The following ENTPD7 variants were observed in gnomAD, a reference collection of about 807,000 sequenced individuals.
ENTPD7 encodes the protein ectonucleoside triphosphate diphosphohydrolase 7.
In ENTPD7, 53 loss-of-function variants were observed where a neutral mutation model predicts 77.9. The observed-to-expected ratio is 0.68, with a 90% CI of 0.55 to 0.85. The LOEUF is 0.85. Ranked by LOEUF, ENTPD7 falls within the 40% of genes least tolerant of loss-of-function variation. The pLI is 0.00. For missense variants in ENTPD7, 636 were observed against 743.7 expected (o/e 0.86, Z 1.68); for synonymous variants, 248 against 274.9 (o/e 0.90, Z 0.97).
Position 99,710,138 on chromosome 10 carries a change from C to T in ENTPD7, c.*5455C>T, listed in dbSNP as rs1179610602. The T allele has an allele frequency of 5.1e-6, 5 of 985,278 alleles. No individual in the cohort carries two copies. The highest frequency in any genetic ancestry group is 6.1e-5 in the Admixed American group (1 of 16,262). The allele number at this position is 985,278 out of a possible 1,614,324, so 61.0% of individuals were successfully genotyped here. On this transcript the variant is annotated 3_prime_UTR_variant, in exon 13 of 13. Coordinates refer to ENST00000370489, the MANE Select transcript of ENTPD7 (RefSeq NM_020354.5). The stretch of plus-strand genomic sequence containing the variant: ...ACTTGTATACCCTCTGGTGGCCACT[C>T]CTCCTTCTCCACTCCAAGGCAGCCC...
At chr10:99,688,189 T>C (rs1265295441) in intron 6 of ENTPD7, among the ~76,000 whole-genome samples, 2 of 152,326 alleles carry the variant, frequency 1.3e-5, no homozygotes, top group East Asian at 3.9e-4. Flanking sequence ...TGTTTCAAGC[T>C]GCTCTTAAGT....
In ENTPD7 at chr10:99,708,351, T is replaced by G. The variant is rs2036291692; in HGVS notation, c.*3668T>G. Among the ~76,000 whole-genome samples, 1 of 152,168 alleles carries G rather than the reference T, an allele frequency of 6.6e-6. No individual in the cohort carries two copies. Among genetic ancestry groups the G allele is most frequent in the South Asian group, 2.1e-4 (1 of 4,822 alleles). On this transcript the variant is annotated 3_prime_UTR_variant, in exon 13 of 13. Transcript: ENST00000370489. ...TCATCTAAACAGATGCTTCTCACAGTTTTATGTTTTGTTTTTTGTCAGGGA... is the reference window on the plus strand; with the variant it reads ...TCATCTAAACAGATGCTTCTCACAGGTTTATGTTTTGTTTTTTGTCAGGGA...
intron 3 of ENTPD7, among the ~76,000 whole-genome samples, chr10:99,665,625 G>C (rs2035539464): frequency 6.6e-6 from 1 of 151,916 alleles, no homozygotes; most frequent in South Asian, 2.1e-4. Flanking sequence ...TTCTCAAGAA[G>C]CTTATGTTTT....
In ENTPD7 at chr10:99,710,247, A is replaced by G. The variant is rs2036339044; in HGVS notation, c.*5564A>G. 2 of 985,314 alleles carry G rather than the reference A, an allele frequency of 2.0e-6. No individual in the cohort carries two copies. The highest frequency in any genetic ancestry group is 2.4e-6 in the Non-Finnish European group (2 of 829,948). 61.0% of individuals were successfully genotyped at this position (985,314 alleles called of 1,614,324 possible). A position where few individuals can be genotyped will look rare whatever the true frequency, so the allele number is the denominator to read the frequency against. ...GGTGAAGACGCCCCTTACTAGCTTC[A>G]TAAATGTTTTTCTGCAAGCAGGGAT... On this transcript the variant is annotated 3_prime_UTR_variant, in exon 13 of 13. Coordinates refer to ENST00000370489, the MANE Select transcript of ENTPD7 (RefSeq NM_020354.5).
chr10:99,709,716 C>A lies in ENTPD7; in HGVS notation c.*5033C>A. 1.0e-6 allele frequency: 1 copy of A among 985,384 alleles called. No homozygotes were observed. Among genetic ancestry groups the A allele is most frequent in the Non-Finnish European group, 1.2e-6 (1 of 829,914 alleles). 61.0% of individuals were successfully genotyped at this position (985,384 alleles called of 1,614,324 possible). A position where few individuals can be genotyped will look rare whatever the true frequency, so the allele number is the denominator to read the frequency against. On this transcript the variant is annotated 3_prime_UTR_variant, in exon 13 of 13. Transcript: ENST00000370489. ...TGTTTCTGCAGATGGCTTGTTCAAGCTTCATTTTAAGCCTGCTCTGTCTAC... is the reference window on the plus strand; with the variant it reads ...TGTTTCTGCAGATGGCTTGTTCAAGATTCATTTTAAGCCTGCTCTGTCTAC...
intron 5 of ENTPD7, among the ~76,000 whole-genome samples, chr10:99,682,765 A>C (rs760318553): frequency 2.0e-5 from 3 of 152,218 alleles, no homozygotes; most frequent in African/African-American, 4.8e-5. Flanking sequence ...CCCTGGGAAG[A>C]ATATAGATGA....
Position 99,709,203 on chromosome 10 carries a change from G to A in ENTPD7, c.*4520G>A, listed in dbSNP as rs763822568. The A allele has an allele frequency of 2.3e-5, 23 of 985,334 alleles. No individual in the cohort carries two copies. The highest frequency in any genetic ancestry group is 1.2e-4 in the Admixed American group (2 of 16,270). 61.0% of individuals were successfully genotyped at this position (985,334 alleles called of 1,614,324 possible). Reference sequence around the variant, plus strand: ...TACATCTACCTCATTAAAGAACTTCGTTGTAATTCTTGGGCAGTTTCCAGA... The same window carrying A: ...TACATCTACCTCATTAAAGAACTTCATTGTAATTCTTGGGCAGTTTCCAGA... On this transcript the variant is annotated 3_prime_UTR_variant, in exon 13 of 13. Transcript: ENST00000370489.
At position 99,659,862 on chromosome 10, in the gene ENTPD7, G is replaced by A. The variant is rs896704620; in HGVS notation, c.-95G>A. On this transcript the variant is annotated splice_region_variant and 5_prime_UTR_variant, in exon 2 of 13. Coordinates refer to ENST00000370489, the MANE Select transcript of ENTPD7 (RefSeq NM_020354.5). The surrounding 1 kb of genome is among the most constrained non-coding windows in gnomAD (Gnocchi z 4.1). ...GAAGCCTGAAATCAAATCTTTCTAG[G>A]CTGCAGACGTAGGAGATGCCTGGGA... The A allele has an allele frequency of 7.7e-6, 12 of 1,566,644 alleles. No individual in the cohort carries two copies. The African/African-American group carries it at 1.6e-4, about 21-fold the overall frequency.
rs779932293 is a variant in ENTPD7 at position 99,700,880 on chromosome 10, A to G, written c.1336-93A>G. Reference sequence around the variant, plus strand: ...TTCCTTTGTCAGCTGGTAGCCCACAAGTAACTTTAGAAATGGAACAGCTGT... The same window carrying G: ...TTCCTTTGTCAGCTGGTAGCCCACAGGTAACTTTAGAAATGGAACAGCTGT... On this transcript the variant is annotated intron_variant, in intron 10 of 12. Coordinates refer to ENST00000370489, the MANE Select transcript of ENTPD7 (RefSeq NM_020354.5). The G allele has an allele frequency of 4.9e-6, 5 of 1,016,752 alleles. No individual in the cohort carries two copies. The African/African-American group carries it at 6.4e-5, about 13-fold the overall frequency. 63.0% of individuals were successfully genotyped at this position (1,016,752 alleles called of 1,614,324 possible).
At chr10:99,687,027 C>T (rs1425387667) in intron 6 of ENTPD7, among the ~76,000 whole-genome samples, 4 of 150,804 alleles carry the variant, frequency 2.7e-5, no homozygotes, top group Non-Finnish European at 2.9e-5. Context: ...AAGCGATTCT[C>T]CTGCCTCAGC....
chr10:99,669,685 C>A (rs1412668491), intron 3 of ENTPD7, among the ~76,000 whole-genome samples: 1 of 150,270 alleles, frequency 6.7e-6, no homozygotes, highest in Non-Finnish European at 1.5e-5. Context: ...ATCCCCTGAC[C>A]CTACACATGC....
chr10:99,702,611 T>C lies in ENTPD7; in HGVS notation c.1521T>C (p.Tyr507=), dbSNP rs2036162264. 2 of 1,613,882 alleles carry C rather than the reference T, an allele frequency of 1.2e-6. No homozygotes were observed. The highest frequency in any genetic ancestry group is 1.7e-6 in the Non-Finnish European group (2 of 1,179,920). The change falls in exon 12 of 13, where the codon TAT becomes TAC. Residue 507 remains tyrosine (Y), a synonymous_variant. Coordinates refer to ENST00000370489, the MANE Select transcript of ENTPD7 (RefSeq NM_020354.5). ...YPNLRTAQLV[Y]DREVQWTLGA... ...ACCTGCGGACAGCCCAGCTGGTGTA[T>C]GACCGAGAGGTTCAGTGGACGCTGG... is the stretch of plus-strand genomic sequence containing the variant.
chr10:99,710,769 C>A lies in ENTPD7; in HGVS notation c.*6086C>A, dbSNP rs930307430. 3.0e-6 allele frequency: 3 copies of A among 983,818 alleles called. No homozygotes were observed. Among genetic ancestry groups the A allele is most frequent in the Non-Finnish European group, 3.6e-6 (3 of 829,340 alleles). The allele number at this position is 983,818 out of a possible 1,614,324, so 60.9% of individuals were successfully genotyped here. On this transcript the variant is annotated 3_prime_UTR_variant, in exon 13 of 13. Coordinates refer to ENST00000370489, the MANE Select transcript of ENTPD7 (RefSeq NM_020354.5). ...TCATGATTATCAGTGTTGATCTCTG[C>A]AACCAACATTGCTTTAGGGAGTTGC...
intron 2 of ENTPD7, chr10:99,660,384 TATA>T (rs1029964224): frequency 1.8e-5 from 21 of 1,163,496 alleles, no homozygotes; most frequent in African/African-American, 3.2e-5. Flanking sequence ...ATCCATACAT[TATA>T]ATAACCTGAA....
In ENTPD7 at chr10:99,710,712, G is replaced by A. The variant is rs2036355143; in HGVS notation, c.*6029G>A. 1 of 985,264 alleles carries A rather than the reference G, an allele frequency of 1.0e-6. No homozygotes were observed. Among genetic ancestry groups the A allele is most frequent in the African/African-American group, 1.7e-5 (1 of 57,222 alleles). 61.0% of individuals were successfully genotyped at this position (985,264 alleles called of 1,614,324 possible). ...CCCACCATTCATCCCAGGACCACAA[G>A]GGTAGCTGTAGATAAACTGGTTATC... On this transcript the variant is annotated 3_prime_UTR_variant, in exon 13 of 13. Coordinates refer to ENST00000370489, the MANE Select transcript of ENTPD7 (RefSeq NM_020354.5).
intron 7 of ENTPD7, among the ~76,000 whole-genome samples, 187 bp from the exon 8 acceptor site, chr10:99,691,198 C>T (rs557643955): frequency 6.6e-6 from 1 of 152,160 alleles, no homozygotes; most frequent in Admixed American, 6.5e-5. Context: ...CACTATGTTG[C>T]CTAGGCTGGT....
rs1322494576 is a variant in ENTPD7 at position 99,710,230 on chromosome 10, C to T, written c.*5547C>T. On this transcript the variant is annotated 3_prime_UTR_variant, in exon 13 of 13. Coordinates refer to ENST00000370489, the MANE Select transcript of ENTPD7 (RefSeq NM_020354.5). ...GCATTTGGCCTGCTGCTGGTGAAGACGCCCCTTACTAGCTTCATAAATGTT... is the reference window on the plus strand; with the variant it reads ...GCATTTGGCCTGCTGCTGGTGAAGATGCCCCTTACTAGCTTCATAAATGTT... 1.9e-5 allele frequency: 19 copies of T among 985,302 alleles called. No homozygotes were observed. Among genetic ancestry groups the T allele is most frequent in the Non-Finnish European group, 2.3e-5 (19 of 829,938 alleles). 61.0% of individuals were successfully genotyped at this position (985,302 alleles called of 1,614,324 possible). A position where few individuals can be genotyped will look rare whatever the true frequency, so the allele number is the denominator to read the frequency against.
rs1184371887 is a variant in ENTPD7, at chr10:99,702,481, T to C, written c.1422-31T>C. ...GAAAGTATTAGAATTCTTTTCTCTTTTTTTAAAATTTAATTATTTTTGTCA... is the reference window on the plus strand; with the variant it reads ...GAAAGTATTAGAATTCTTTTCTCTTCTTTTAAAATTTAATTATTTTTGTCA... On this transcript the variant is annotated intron_variant, in intron 11 of 12. Transcript: ENST00000370489. The C allele has an allele frequency of 2.7e-6, 4 of 1,506,268 alleles. No individual in the cohort carries two copies. The East Asian group carries it at 9.9e-5, about 37-fold the overall frequency. The allele number at this position is 1,506,268 out of a possible 1,614,324, so 93.3% of individuals were successfully genotyped here.
intron 8 of ENTPD7, among the ~76,000 whole-genome samples, chr10:99,693,417 T>C (rs1408972157): frequency 6.6e-6 from 1 of 152,140 alleles, no homozygotes; most frequent in Admixed American, 6.5e-5. Context: ...CTAACTAGGT[T>C]GTGATACTTT....
Sources: gnomAD v4.1 joint callset for allele counts (sites outside exome capture counted in the v4.1 genomes callset) on GRCh38, gnomAD v4.1.1 for gene constraint, Gnocchi (gnomAD v3.1) non-coding constraint, MANE v1.5 for transcripts, NCBI Gene and HGNC (gene_info 2026-07-23, HGNC 2026-07-21) for gene names.